Variants in PTH1R observed in about 807,000 individuals in gnomAD.
PTH1R encodes the protein parathyroid hormone/parathyroid hormone-related peptide receptor.
PTH1R carries 32 observed loss-of-function variants against 70.7 expected under a neutral mutation model. The ratio of observed to expected loss-of-function variants is 0.45; its 90% CI spans 0.34 to 0.61. PTH1R has a LOEUF of 0.61. Among genes scored for constraint, PTH1R ranks in the 20% least tolerant of loss-of-function variants. The pLI is 0.01. For synonymous variants in PTH1R, 329 were observed against 324.8 expected (o/e 1.01, Z -0.14); for missense variants, 626 against 792.5 (o/e 0.79, Z 2.52).
Position 46,891,490 on chromosome 3 carries a change from T to C in PTH1R, c.76-2417T>C, listed in dbSNP as rs1219484414. Among the ~76,000 whole-genome samples, 1 of 152,062 alleles carries C rather than the reference T, an allele frequency of 6.6e-6. No individual in the cohort carries two copies. The highest frequency in any genetic ancestry group is 1.5e-5 in the Non-Finnish European group (1 of 68,004). On this transcript the variant is annotated intron_variant, in intron 3 of 15. Transcript: ENST00000449590. The surrounding 1 kb of genome is among the most constrained non-coding windows in gnomAD (Gnocchi z 4.3). ...CAGGGAGTCAGCAAGTCTCTAAGGA[T>C]GTGTGGGAGCCTCCGTCAGTCACTC...
intron 3 of PTH1R, among the ~76,000 whole-genome samples, chr3:46,886,574 G>T (rs2031045760): frequency 1.3e-5 from 2 of 152,094 alleles, no homozygotes; most frequent in South Asian, 4.1e-4. Flanking sequence ...AGCCAGGATG[G>T]TCTCGATCTC....
In PTH1R at chr3:46,883,485, C is replaced by T; in HGVS notation, c.-48-27C>T. 1.6e-6 allele frequency: 2 copies of T among 1,252,778 alleles called. No homozygotes were observed. The highest frequency in any genetic ancestry group is 2.0e-6 in the Non-Finnish European group (2 of 981,258). 77.6% of individuals were successfully genotyped at this position (1,252,778 alleles called of 1,614,324 possible). On this transcript the variant is annotated intron_variant, in intron 2 of 15. Transcript: ENST00000449590. The surrounding 1 kb of genome is among the most constrained non-coding windows in gnomAD (Gnocchi z 6.4). ...CGTGGGCGGGGCGGCCAGCCTGACG[C>T]AGCTCTGCACCCCCTACCACCACCA...
intron 3 of PTH1R, among the ~76,000 whole-genome samples, chr3:46,890,496 C>CTTTTTTTT (rs71619664): frequency 9.7e-5 from 7 of 72,370 alleles, no homozygotes; most frequent in East Asian, 4.3e-4. Context: ...TTCACAGCAG[C>CTTTTTTTT]TTTTTTTTTT....
Position 46,898,437 on chromosome 3 carries a change from C to G in PTH1R, c.603C>G (p.Ser201=). Residue 201 remains serine (S), a synonymous_variant, in exon 8 of 16, where the codon TCC becomes TCG. Transcript: ENST00000449590. ...TGGGCTACTCCGTGTCCCTGGCGTC[C>G]CTCACCGTAGCTGTGCTCATCCTGG... is the stretch of plus-strand genomic sequence containing the variant. ...YTVGYSVSLA[S]LTVAVLILAY... The G allele has an allele frequency of 6.2e-7, 1 of 1,614,060 alleles. No individual in the cohort carries two copies. Among genetic ancestry groups the G allele is most frequent in the Middle Eastern group, 1.7e-4 (1 of 6,000 alleles).
At position 46,883,979 on chromosome 3, in the gene PTH1R, C is replaced by T. The variant is rs1405364101; in HGVS notation, c.75+345C>T. 6.6e-6 allele frequency among the ~76,000 whole-genome samples: 1 copy of T among 152,228 alleles called. No homozygotes were observed. Among genetic ancestry groups the T allele is most frequent in the Non-Finnish European group, 1.5e-5 (1 of 68,030 alleles). On this transcript the variant is annotated intron_variant, in intron 3 of 15. Transcript: ENST00000449590. The surrounding 1 kb of genome is among the most constrained non-coding windows in gnomAD (Gnocchi z 6.4). The stretch of plus-strand genomic sequence containing the variant: ...GGCTGGGCTTTGGCCCTGCTGCGTA[C>T]TCCCACAGACTTTGCTTTGGGGACC...
At position 46,897,980 on chromosome 3, in the gene PTH1R, A is replaced by G. The variant is rs780706656; in HGVS notation, c.424+15A>G. 1 of 1,613,838 alleles carries G rather than the reference A, an allele frequency of 6.2e-7. No homozygotes were observed. Among genetic ancestry groups the G allele is most frequent in the South Asian group, 1.1e-5 (1 of 91,076 alleles). On this transcript the variant is annotated intron_variant, in intron 6 of 15. Coordinates refer to ENST00000449590, the MANE Select transcript of PTH1R (RefSeq NM_000316.3). ...CAATCACAAAGGTGAGGCCTGCTGG[A>G]AGGGGTGGGGATTACAAGGAGGCTG...
rs2030411350 is a variant in PTH1R at position 46,879,263 on chromosome 3, A to T, written c.-106+1420A>T. On this transcript the variant is annotated intron_variant, in intron 1 of 15. Coordinates refer to ENST00000449590, the MANE Select transcript of PTH1R (RefSeq NM_000316.3). This position sits in a 1 kb window ranked among gnomAD's most constrained non-coding sequence, Gnocchi z 4.7. The stretch of plus-strand genomic sequence containing the variant: ...GCCCACCCTCATCCTCCCAAGTACA[A>T]GTAGTATGTTTCCAAATCTCAAGTT... 6.6e-6 allele frequency among the ~76,000 whole-genome samples: 1 copy of T among 152,158 alleles called. No individual in the cohort carries two copies. The highest frequency in any genetic ancestry group is 2.1e-4 in the South Asian group (1 of 4,826).
In PTH1R at chr3:46,896,282, G is replaced by A. The variant is rs2031752121; in HGVS notation, c.313+413G>A. Reference sequence around the variant, plus strand: ...GGAGAGACAGTCACAGAGATAGAGGGGACCAGGAGGCACACACTGAAGTCT... The same window carrying A: ...GGAGAGACAGTCACAGAGATAGAGGAGACCAGGAGGCACACACTGAAGTCT... On this transcript the variant is annotated intron_variant, in intron 5 of 15. Coordinates refer to ENST00000449590, the MANE Select transcript of PTH1R (RefSeq NM_000316.3). The surrounding 1 kb of genome is among the most constrained non-coding windows in gnomAD (Gnocchi z 4.1). 6.6e-6 allele frequency among the ~76,000 whole-genome samples: 1 copy of A among 152,142 alleles called. No individual in the cohort carries two copies. The highest frequency in any genetic ancestry group is 2.1e-4 in the South Asian group (1 of 4,832).
At position 46,901,759 on chromosome 3, in the gene PTH1R, C is replaced by T. The variant is rs2032138285; in HGVS notation, c.1117-7C>T. The stretch of plus-strand genomic sequence containing the variant: ...AGCCTCCAGACGCAGCCCCCTCACT[C>T]CCACAGCTCAACTTCATCCTCTTCA... On this transcript the variant is annotated splice_polypyrimidine_tract_variant and splice_region_variant and intron_variant, in intron 12 of 15. Transcript: ENST00000449590. This position sits in a 1 kb window ranked among gnomAD's most constrained non-coding sequence, Gnocchi z 7.3. The T allele has an allele frequency of 1.9e-6, 3 of 1,613,514 alleles. No individual in the cohort carries two copies. The highest frequency in any genetic ancestry group is 2.5e-6 in the Non-Finnish European group (3 of 1,179,446).
At chr3:46,878,262 T>C (rs2030350866) in intron 1 of PTH1R, among the ~76,000 whole-genome samples, 1 of 152,196 alleles carries the variant, frequency 6.6e-6, no homozygotes, top group African/African-American at 2.4e-5. Flanking sequence ...GCAGCCGAAA[T>C]GGCTGTAAAA....
At chr3:46,886,676 C>A (rs986782455) in intron 3 of PTH1R, among the ~76,000 whole-genome samples, 3 of 152,144 alleles carry the variant, frequency 2.0e-5, no homozygotes, top group Non-Finnish European at 2.9e-5. Context: ...CTTTTAAAGA[C>A]AGGAAGAAGC....
In PTH1R at chr3:46,893,944, TC is replaced by T; in HGVS notation, c.114del (p.Phe39SerfsTer24). 1 of 1,614,052 alleles carries T rather than the reference TC, an allele frequency of 6.2e-7. No homozygotes were observed. Among genetic ancestry groups the T allele is most frequent in the Admixed American group, 1.7e-5 (1 of 60,008 alleles). ...ADDVMTKEEQ[I>X]FLLHRAQAQC... Reference sequence around the variant, plus strand: ...GACGTCATGACTAAAGAGGAACAGATCTTCCTGCTGCACCGTGCTCAGGCCC... The same window carrying T: ...GACGTCATGACTAAAGAGGAACAGATTTCCTGCTGCACCGTGCTCAGGCCC... On this transcript the variant is annotated frameshift_variant, in exon 4 of 16. Transcript: ENST00000449590. LOFTEE classifies it high-confidence loss of function. The surrounding 1 kb of genome is among the most constrained non-coding windows in gnomAD (Gnocchi z 5.2).
In PTH1R at chr3:46,902,803, CAG is replaced by C. The variant is rs1279414233; in HGVS notation, c.1395+14_1395+15del. On this transcript the variant is annotated intron_variant, in intron 15 of 15. Coordinates refer to ENST00000449590, the MANE Select transcript of PTH1R (RefSeq NM_000316.3). This position sits in a 1 kb window ranked among gnomAD's most constrained non-coding sequence, Gnocchi z 5.4. ...CTGCAATGGCGAGGTAAGCAGGAGA[CAG>C]TGTTGGCATAGGGCAGGGTGGGGCA... is the stretch of plus-strand genomic sequence containing the variant. 1 of 1,613,518 alleles carries C rather than the reference CAG, an allele frequency of 6.2e-7. No homozygotes were observed. The highest frequency in any genetic ancestry group is 2.2e-5 in the East Asian group (1 of 44,880).
chr3:46,901,930 G>T lies in PTH1R; in HGVS notation c.1211+70G>T. Reference sequence around the variant, plus strand: ...TGAGTCCTGGTACCATGTACCCCAGGAAAGACAGTGGCCCCATGAATGATC... The same window carrying T: ...TGAGTCCTGGTACCATGTACCCCAGTAAAGACAGTGGCCCCATGAATGATC... On this transcript the variant is annotated intron_variant, in intron 13 of 15. Transcript: ENST00000449590. The surrounding 1 kb of genome is among the most constrained non-coding windows in gnomAD (Gnocchi z 7.3). 1 of 1,428,332 alleles carries T rather than the reference G, an allele frequency of 7.0e-7. No individual in the cohort carries two copies. The highest frequency in any genetic ancestry group is 9.8e-7 in the Non-Finnish European group (1 of 1,016,742). 88.5% of individuals were successfully genotyped at this position (1,428,332 alleles called of 1,614,324 possible). A position where few individuals can be genotyped will look rare whatever the true frequency, so the allele number is the denominator to read the frequency against.
chr3:46,878,494 T>G (rs1230692838), intron 1 of PTH1R, among the ~76,000 whole-genome samples: 1 of 152,156 alleles, frequency 6.6e-6, no homozygotes, highest in Non-Finnish European at 1.5e-5. Flanking sequence ...CAGTCTGGGA[T>G]CAGGGCTAAG....
rs1024519388 is a variant in PTH1R, at chr3:46,891,050, T to C, written c.76-2857T>C. Among the ~76,000 whole-genome samples, 1 of 152,226 alleles carries C rather than the reference T, an allele frequency of 6.6e-6. No individual in the cohort carries two copies. The highest frequency in any genetic ancestry group is 2.4e-5 in the African/African-American group (1 of 41,460). On this transcript the variant is annotated intron_variant, in intron 3 of 15. Coordinates refer to ENST00000449590, the MANE Select transcript of PTH1R (RefSeq NM_000316.3). The surrounding 1 kb of genome is among the most constrained non-coding windows in gnomAD (Gnocchi z 4.3). ...TTGGTGTGGGGTTGTCCTCCTCTTC[T>C]TGGGAAAGTGCTTCCTTAACTTTAA...
Position 46,902,463 on chromosome 3 carries a change from G to A in PTH1R, c.1212-63G>A, listed in dbSNP as rs2032182459. On this transcript the variant is annotated intron_variant, in intron 13 of 15. Coordinates refer to ENST00000449590, the MANE Select transcript of PTH1R (RefSeq NM_000316.3). This position sits in a 1 kb window ranked among gnomAD's most constrained non-coding sequence, Gnocchi z 5.4. ...GAGCCTGGGGCTCGCAGGGTGGGGG[G>A]TGGCACAATGCTTGTTGAAGGGGAA... 3.1e-6 allele frequency: 5 copies of A among 1,591,776 alleles called. No individual in the cohort carries two copies. The East Asian group carries it at 6.8e-5, about 22-fold the overall frequency.
At position 46,892,083 on chromosome 3, in the gene PTH1R, CTG is replaced by C. The variant is rs1301042625; in HGVS notation, c.76-1820_76-1819del. ...TCCTCCCTTAAGCCATCCCATCATT[CTG>C]TGTCTACCTCTGCCCCAGCCAGCTC... is the stretch of plus-strand genomic sequence containing the variant. On this transcript the variant is annotated intron_variant, in intron 3 of 15. Coordinates refer to ENST00000449590, the MANE Select transcript of PTH1R (RefSeq NM_000316.3). The surrounding 1 kb of genome is among the most constrained non-coding windows in gnomAD (Gnocchi z 5.2). Among the ~76,000 whole-genome samples the C allele has an allele frequency of 1.3e-5, 2 of 152,100 alleles. No individual in the cohort carries two copies. The highest frequency in any genetic ancestry group is 4.8e-5 in the African/African-American group (2 of 41,390).
In PTH1R at chr3:46,879,572, G is replaced by A. The variant is rs1050177709; in HGVS notation, c.-105-1490G>A. Among the ~76,000 whole-genome samples the A allele has an allele frequency of 2.6e-5, 4 of 151,790 alleles. 1 individual carries two copies. Among genetic ancestry groups the A allele is most frequent in the South Asian group, 4.2e-4 (2 of 4,810 alleles). ...AGTCTAGGCAACAAAGTGAGACCTC[G>A]TCTCTACAAAAAAAAAATTTTTTAA... On this transcript the variant is annotated intron_variant, in intron 1 of 15. Coordinates refer to ENST00000449590, the MANE Select transcript of PTH1R (RefSeq NM_000316.3). The surrounding 1 kb of genome is among the most constrained non-coding windows in gnomAD (Gnocchi z 4.7).
Sources: gnomAD v4.1 joint callset for allele counts (sites outside exome capture counted in the v4.1 genomes callset) on GRCh38, gnomAD v4.1.1 for gene constraint, Gnocchi (gnomAD v3.1) non-coding constraint, MANE v1.5 for transcripts, NCBI Gene and HGNC (gene_info 2026-07-23, HGNC 2026-07-21) for gene names.